ZBTB7C: variants seen among roughly 807,000 people sequenced by gnomAD.
ZBTB7C encodes zinc finger and BTB domain-containing protein 7C.
A neutral mutation model predicts 25.7 loss-of-function variants in ZBTB7C; 8 were observed. The ratio of observed to expected loss-of-function variants is 0.31; its 90% CI spans 0.18 to 0.56. The LOEUF (loss-of-function observed/expected upper bound fraction) is 0.56, where lower values mean the gene tolerates loss of function less well. ZBTB7C is among the 20% of genes least tolerant of loss of function. ZBTB7C has a pLI of 0.91. For missense variants in ZBTB7C, 824 were observed against 855.2 expected, an observed-to-expected ratio of 0.96 and a Z score of 0.46; for synonymous variants, 394 against 369.0, an observed-to-expected ratio of 1.07 and a Z score of -0.78.
At chr18:48,273,424 T>G (rs915653995) in intron 2 of ZBTB7C, among the ~76,000 whole-genome samples, 2 of 151,984 alleles carry the variant, frequency 1.3e-5, no homozygotes, top group African/African-American at 4.8e-5. Flanking sequence ...TATGGAAAAC[T>G]TGGCATTATA....
chr18:48,372,673 G>A (rs1396260723), intron 1 of ZBTB7C, among the ~76,000 whole-genome samples: 1 of 152,078 alleles, frequency 6.6e-6, no homozygotes, highest in Non-Finnish European at 1.5e-5. Context: ...TCCTCAACAT[G>A]GCCATGGTCA....
intron 3 of ZBTB7C, among the ~76,000 whole-genome samples, chr18:48,147,236 T>C (rs1052470771): frequency 2.0e-5 from 3 of 152,048 alleles, no homozygotes; most frequent in African/African-American, 7.2e-5. Context: ...TACCACCATG[T>C]CTGGCTAATT....
At chr18:48,134,385 G>T (rs1402534624) in intron 3 of ZBTB7C, among the ~76,000 whole-genome samples, 1 of 152,182 alleles carries the variant, frequency 6.6e-6, no homozygotes, top group Non-Finnish European at 1.5e-5. Flanking sequence ...TATTAGGACA[G>T]ATATGTCTGG....
intron 2 of ZBTB7C, among the ~76,000 whole-genome samples, chr18:48,317,021 C>A (rs561624725): frequency 6.6e-6 from 1 of 152,280 alleles, no homozygotes; most frequent in Non-Finnish European, 1.5e-5. Context: ...GCCTGTAATC[C>A]CAACATTTTG....
At chr18:48,152,129 C>CA (rs1019209355) in intron 3 of ZBTB7C, among the ~76,000 whole-genome samples, 2 of 152,118 alleles carry the variant, frequency 1.3e-5, no homozygotes, top group Admixed American at 6.5e-5. Flanking sequence ...TACTGGGACA[C>CA]AGGGTGTTTA....
chr18:48,322,654 A>C (rs374350893), intron 2 of ZBTB7C, among the ~76,000 whole-genome samples: 1 of 152,230 alleles, frequency 6.6e-6, no homozygotes, highest in African/African-American at 2.4e-5. Context: ...TTAAAGAACT[A>C]ACAATAGATC....
intron 3 of ZBTB7C, among the ~76,000 whole-genome samples, chr18:48,147,007 C>G (rs1056417570): frequency 6.6e-6 from 1 of 152,214 alleles, no homozygotes; most frequent in Non-Finnish European, 1.5e-5. Context: ...TTGTCTTCAA[C>G]AATCAGGGAC....
chr18:48,032,434 T>G (rs1379140471), intron 4 of ZBTB7C, among the ~76,000 whole-genome samples: 9 of 122,922 alleles, frequency 7.3e-5, no homozygotes, highest in African/African-American at 3.2e-4. Flanking sequence ...TTTTTTTTTT[T>G]TTTTTTTTTT....
At chr18:48,408,260 G>T in intron 1 of ZBTB7C, 1 of 152,476 alleles carries the variant, frequency 6.6e-6, no homozygotes, top group Non-Finnish European at 1.5e-5. Context: ...GGCTCCTCCT[G>T]GCCTTCATCC....
At chr18:48,403,481 C>T (rs1216876457) in intron 1 of ZBTB7C, among the ~76,000 whole-genome samples, 1 of 152,228 alleles carries the variant, frequency 6.6e-6, no homozygotes, top group African/African-American at 2.4e-5. Flanking sequence ...GCTGACTCAA[C>T]TTCACATACC....
chr18:48,153,851 A>G (rs1476639455), intron 3 of ZBTB7C, among the ~76,000 whole-genome samples: 1 of 152,188 alleles, frequency 6.6e-6, no homozygotes, highest in East Asian at 1.9e-4. Flanking sequence ...CTCTGTGAAA[A>G]TGGTGGTTCC....
At chr18:48,101,166 G>A (rs2038816373) in intron 3 of ZBTB7C, among the ~76,000 whole-genome samples, 1 of 152,076 alleles carries the variant, frequency 6.6e-6, no homozygotes, top group Admixed American at 6.5e-5. Flanking sequence ...TCCTTCCTCT[G>A]GCCTCCTACA....
intron 2 of ZBTB7C, among the ~76,000 whole-genome samples, chr18:48,298,099 T>A (rs921143193): frequency 1.3e-5 from 2 of 151,984 alleles, no homozygotes; most frequent in African/African-American, 4.8e-5. Flanking sequence ...GCCAGCATGG[T>A]GAAACCCCAT....
intron 3 of ZBTB7C, among the ~76,000 whole-genome samples, chr18:48,080,549 C>T (rs2037942215): frequency 6.6e-6 from 1 of 152,260 alleles, no homozygotes; most frequent in South Asian, 2.1e-4. Context: ...CAAGCTGCTT[C>T]ACCTCTGTGG....
chr18:48,050,816 C>G (rs973731937), intron 3 of ZBTB7C, among the ~76,000 whole-genome samples: 1 of 152,134 alleles, frequency 6.6e-6, no homozygotes, highest in Admixed American at 6.5e-5. Context: ...CTTCATGGTT[C>G]TCTGCTGAAA....
intron 3 of ZBTB7C, 22 bp from the exon 4 acceptor site, chr18:48,041,145 A>G (rs773242774): frequency 3.1e-5 from 49 of 1,558,756 alleles, no homozygotes; most frequent in Non-Finnish European, 4.0e-5. Context: ...CACAGAGAAG[A>G]AGACTGGGTT....
intron 2 of ZBTB7C, among the ~76,000 whole-genome samples, chr18:48,283,504 T>G (rs1396842298): frequency 6.6e-6 from 1 of 152,206 alleles, no homozygotes; most frequent in Non-Finnish European, 1.5e-5. Context: ...TGTACTAAAA[T>G]CTTCCATTGC....
chr18:48,209,882 A>C (rs2042663899), intron 2 of ZBTB7C, among the ~76,000 whole-genome samples: 1 of 152,228 alleles, frequency 6.6e-6, no homozygotes, highest in Non-Finnish European at 1.5e-5. Flanking sequence ...AGTGAAAAGC[A>C]ACCCACACTT....
At chr18:48,279,748 G>A (rs2044776076) in intron 2 of ZBTB7C, among the ~76,000 whole-genome samples, 1 of 152,208 alleles carries the variant, frequency 6.6e-6, no homozygotes, top group Non-Finnish European at 1.5e-5. Flanking sequence ...GCCCCAGGCT[G>A]TCCAGGCTAC....
Sources: allele counts gnomAD v4.1 joint callset (sites outside exome capture counted in the v4.1 genomes callset), GRCh38; gene constraint gnomAD v4.1.1; transcripts MANE v1.5; gene names NCBI Gene and HGNC (gene_info 2026-07-23, HGNC 2026-07-21).